The following NFIA variants were observed in gnomAD, a reference collection of about 807,000 sequenced individuals.
NFIA encodes nuclear factor 1 A-type.
Under a neutral mutation model 62.8 loss-of-function variants are expected in NFIA, and 8 were observed. The observed-to-expected ratio is 0.13, with a 90% CI of 0.07 to 0.23. The LOEUF (loss-of-function observed/expected upper bound fraction) is 0.23. Ranked by LOEUF, NFIA falls within the 10% of genes least tolerant of loss-of-function variation. NFIA has a pLI of 1.00. For missense variants in NFIA, 410 were observed against 642.1 expected (o/e 0.64, Z 3.91); for synonymous variants, 235 against 238.1 (o/e 0.99, Z 0.12).
At chr1:61,307,737 C>T (rs1442456398) in intron 3 of NFIA, among the ~76,000 whole-genome samples, 1 of 152,198 alleles carries the variant, frequency 6.6e-6, no homozygotes, top group Non-Finnish European at 1.5e-5. Context: ...TTTGTGACAG[C>T]TAAACTTTCA....
intron 2 of NFIA, among the ~76,000 whole-genome samples, chr1:61,200,040 A>ATG (rs1557631969): frequency 1.7e-4 from 8 of 47,152 alleles, no homozygotes; most frequent in African/African-American, 6.3e-4. Context: ...ATATATATAT[A>ATG]TATATATATA....
intron 2 of NFIA, among the ~76,000 whole-genome samples, chr1:61,240,054 G>C (rs1655250984): frequency 6.6e-6 from 1 of 152,086 alleles, no homozygotes; most frequent in South Asian, 2.1e-4. Context: ...ATAGTATAAA[G>C]ACTTCAGATG....
At position 61,345,587 on chromosome 1, in the gene NFIA, G is replaced by A. The variant is rs180684715; in HGVS notation, c.701-6863G>A. ...GACTGCACAGCAGGAGGGGAGTGGCGGGTGAGTGAGCATTGCTCCCTGAAC... is the reference window on the plus strand; with the variant it reads ...GACTGCACAGCAGGAGGGGAGTGGCAGGTGAGTGAGCATTGCTCCCTGAAC... On this transcript the variant is annotated intron_variant, in intron 4 of 10. Transcript: ENST00000403491. Among the ~76,000 whole-genome samples the A allele has an allele frequency of 6.2e-4, 95 of 152,226 alleles. 2 individuals are homozygous for A. The East Asian group carries it at 0.014, about 22-fold the overall frequency.
chr1:61,155,277 G>A (rs192277308), intron 2 of NFIA, among the ~76,000 whole-genome samples: 25 of 152,278 alleles, frequency 1.6e-4, no homozygotes, highest in African/African-American at 5.8e-4. Context: ...ATACATGCTG[G>A]ATCACCCATA....
chr1:61,177,710 G>GC (rs1650475366), intron 2 of NFIA, among the ~76,000 whole-genome samples: 1 of 149,620 alleles, frequency 6.7e-6, no homozygotes, highest in Non-Finnish European at 1.5e-5. Context: ...TAATCTATAA[G>GC]TCTCTCTTGA....
chr1:61,183,958 T>C (rs1650935613), intron 2 of NFIA, among the ~76,000 whole-genome samples: 1 of 151,964 alleles, frequency 6.6e-6, no homozygotes, highest in African/African-American at 2.4e-5. Flanking sequence ...TGCCTGCTCC[T>C]TTAATTCCTC....
At chr1:61,448,666 C>T (rs183124458) in intron 10 of NFIA, among the ~76,000 whole-genome samples, 5 of 152,310 alleles carry the variant, frequency 3.3e-5, no homozygotes, top group Admixed American at 1.3e-4. Flanking sequence ...TTTTGTCATT[C>T]GGACCCCAGA....
At chr1:61,412,963 T>A (rs746800365) in intron 9 of NFIA, among the ~76,000 whole-genome samples, 147 of 152,156 alleles carry the variant, frequency 9.7e-4, no homozygotes, top group Admixed American at 2.5e-3. Flanking sequence ...CAGAAAAAAA[T>A]GAAGATTGGC....
intron 2 of NFIA, among the ~76,000 whole-genome samples, chr1:61,223,171 A>C (rs573547419): frequency 6.6e-6 from 1 of 152,168 alleles, no homozygotes; most frequent in East Asian, 1.9e-4. Flanking sequence ...TTGAAAATTA[A>C]ATTGAATAAA....
intron 4 of NFIA, among the ~76,000 whole-genome samples, chr1:61,334,589 A>G (rs1200086469): frequency 0.098 from 9,009 of 91,936 alleles, 1,463 homozygotes; most frequent in African/African-American, 0.28. Context: ...ATATATATAT[A>G]TATATATATA....
chr1:61,264,800 G>A (rs766771620), intron 2 of NFIA, among the ~76,000 whole-genome samples: 4 of 151,906 alleles, frequency 2.6e-5, no homozygotes, highest in Non-Finnish European at 4.4e-5. Context: ...CTGAGTTACT[G>A]AAATGGAAAA....
intron 2 of NFIA, among the ~76,000 whole-genome samples, chr1:61,143,751 G>A (rs998111271): frequency 6.6e-6 from 1 of 152,164 alleles, no homozygotes; most frequent in African/African-American, 2.4e-5. Flanking sequence ...TGGCCATATA[G>A]AGTAGCTATA....
intron 2 of NFIA, among the ~76,000 whole-genome samples, chr1:61,100,546 C>T (rs1646490616): frequency 6.6e-6 from 1 of 152,186 alleles, no homozygotes; most frequent in South Asian, 2.1e-4. Context: ...AGAGTCCTTT[C>T]AACTAATAGC....
At chr1:61,096,094 G>A (rs893673307) in intron 2 of NFIA, among the ~76,000 whole-genome samples, 7 of 152,008 alleles carry the variant, frequency 4.6e-5, no homozygotes, top group African/African-American at 1.7e-4. Flanking sequence ...CCAAAATCAT[G>A]TTTGAGAAAA....
intron 2 of NFIA, among the ~76,000 whole-genome samples, chr1:61,116,439 C>T (rs185021681): frequency 4.4e-4 from 67 of 152,034 alleles, no homozygotes; most frequent in Middle Eastern, 3.4e-3. Flanking sequence ...GCAGGAACAA[C>T]GTTTTGTGCA....
At chr1:61,190,123 A>C (rs554399962) in intron 2 of NFIA, among the ~76,000 whole-genome samples, 1 of 152,316 alleles carries the variant, frequency 6.6e-6, no homozygotes, top group South Asian at 2.1e-4. Flanking sequence ...CAGTTACCTC[A>C]TTTAATCCTC....
intron 2 of NFIA, among the ~76,000 whole-genome samples, chr1:61,204,218 T>C (rs1432038973): frequency 6.6e-6 from 1 of 152,226 alleles, no homozygotes; most frequent in Admixed American, 6.5e-5. Context: ...TAGTCTGTGG[T>C]CTTAAGATCT....
chr1:61,437,339 T>C (rs542449747), intron 10 of NFIA, among the ~76,000 whole-genome samples: 4 of 152,152 alleles, frequency 2.6e-5, no homozygotes, highest in Non-Finnish European at 5.9e-5. Flanking sequence ...ATAAGGGAAC[T>C]GACCATAGGA....
At chr1:61,397,419 C>T (rs1665333822) in intron 7 of NFIA, among the ~76,000 whole-genome samples, 1 of 152,166 alleles carries the variant, frequency 6.6e-6, no homozygotes, top group Admixed American at 6.5e-5. Flanking sequence ...GTCCAAGAGA[C>T]AGGCGAGCAA....
Sources: gnomAD v4.1 joint callset for allele counts (sites outside exome capture counted in the v4.1 genomes callset) on GRCh38, gnomAD v4.1.1 for gene constraint, MANE v1.5 for transcripts, NCBI Gene and HGNC (gene_info 2026-07-23, HGNC 2026-07-21) for gene names.